Variants in COG5 observed in about 807,000 individuals in gnomAD.
The protein encoded by COG5 is component of oligomeric golgi complex 5, also known as conserved oligomeric Golgi complex subunit 5.
A neutral mutation model predicts 110.4 loss-of-function variants in COG5; 86 were observed. The observed-to-expected ratio is 0.78, with a 90% CI of 0.65 to 0.93. The LOEUF (loss-of-function observed/expected upper bound fraction) is 0.93, where lower values mean the gene tolerates loss of function less well. COG5 is among the 40% of genes least tolerant of loss of function. The probability of loss-of-function intolerance (pLI) is 0.00; values close to 1 mark genes in which losing one functional copy is unlikely to be tolerated. For synonymous variants in COG5, 360 were observed against 334.6 expected (o/e 1.08, Z -0.83); for missense variants, 1,077 against 987.0 (o/e 1.09, Z -1.22).
At chr7:107,357,546 T>A (rs760214497) in intron 10 of COG5, among the ~76,000 whole-genome samples, 11 of 152,192 alleles carry the variant, frequency 7.2e-5, no homozygotes, top group Non-Finnish European at 1.3e-4. Context: ...TCTTTAATGG[T>A]TTTATTTTAA....
chr7:107,379,768 C>T (rs1375001721), intron 7 of COG5, among the ~76,000 whole-genome samples: 2 of 152,084 alleles, frequency 1.3e-5, no homozygotes, highest in Non-Finnish European at 2.9e-5. Context: ...CAGGAGCACC[C>T]AGATTCATAA....
At chr7:107,509,528 G>A (rs889477976) in intron 6 of COG5, among the ~76,000 whole-genome samples, 19 of 152,248 alleles carry the variant, frequency 1.2e-4, no homozygotes, top group African/African-American at 3.4e-4. Flanking sequence ...CCAACATTCA[G>A]ATTCAGGAAA....
chr7:107,320,629 T>C (rs776420327), intron 11 of COG5, among the ~76,000 whole-genome samples: 3 of 152,180 alleles, frequency 2.0e-5, no homozygotes, highest in Non-Finnish European at 2.9e-5. Context: ...CTGGTTGCAA[T>C]TGCAGGTTAG....
intron 12 of COG5, among the ~76,000 whole-genome samples, chr7:107,296,677 C>G (rs1010408806): frequency 2.7e-5 from 4 of 150,386 alleles, no homozygotes; most frequent in African/African-American, 9.8e-5. Flanking sequence ...TCCCCAGTAG[C>G]TGGGATTACA....
intron 7 of COG5, among the ~76,000 whole-genome samples, chr7:107,408,196 T>C (rs1303233684): frequency 3.3e-5 from 5 of 152,246 alleles, no homozygotes; most frequent in Non-Finnish European, 7.3e-5. Flanking sequence ...ACCACATTCA[T>C]TCATTTACAT....
chr7:107,337,823 TAGGTA>T (rs1316788958), intron 10 of COG5, among the ~76,000 whole-genome samples: 1 of 152,204 alleles, frequency 6.6e-6, no homozygotes, highest in Non-Finnish European at 1.5e-5. Flanking sequence ...CACATGGAAA[TAGGTA>T]CCTGAGGAGA....
intron 16 of COG5, among the ~76,000 whole-genome samples, chr7:107,248,774 A>G (rs898017560): frequency 6.6e-6 from 1 of 152,210 alleles, no homozygotes; most frequent in Non-Finnish European, 1.5e-5. Context: ...TGAAAAAGGG[A>G]AGGCATACGC....
At chr7:107,423,654 A>G (rs1793445960) in intron 6 of COG5, among the ~76,000 whole-genome samples, 1 of 151,430 alleles carries the variant, frequency 6.6e-6, no homozygotes, top group Non-Finnish European at 1.5e-5. Context: ...AAAACCAAAG[A>G]CATTACAAAA....
intron 7 of COG5, among the ~76,000 whole-genome samples, chr7:107,396,312 A>C (rs561055646): frequency 2.6e-4 from 40 of 152,286 alleles, no homozygotes; most frequent in African/African-American, 9.6e-4. Context: ...GCAACCCATT[A>C]ATGCTTGATG....
At chr7:107,423,772 C>T (rs1359053368) in intron 6 of COG5, among the ~76,000 whole-genome samples, 1 of 151,896 alleles carries the variant, frequency 6.6e-6, no homozygotes, top group Non-Finnish European at 1.5e-5. Flanking sequence ...TATGCCATGA[C>T]CATGAGGAAT....
chr7:107,522,399 C>T (rs1027474703), intron 6 of COG5, among the ~76,000 whole-genome samples: 4 of 152,072 alleles, frequency 2.6e-5, no homozygotes, highest in Non-Finnish European at 4.4e-5. Flanking sequence ...ACCCAGGAGG[C>T]GGAGGTTGCG....
At chr7:107,502,118 A>AT (rs1262333091) in intron 6 of COG5, among the ~76,000 whole-genome samples, 1 of 152,100 alleles carries the variant, frequency 6.6e-6, no homozygotes, top group Non-Finnish European at 1.5e-5. Flanking sequence ...CCTATCACAC[A>AT]AGTAGTGTAC....
At chr7:107,513,799 C>CA (rs1158057789) in intron 6 of COG5, among the ~76,000 whole-genome samples, 2 of 149,484 alleles carry the variant, frequency 1.3e-5, no homozygotes, top group African/African-American at 2.5e-5. Flanking sequence ...ATTGCAAGGA[C>CA]AAAAAACCAA....
intron 15 of COG5, among the ~76,000 whole-genome samples, chr7:107,257,622 G>A (rs980221931): frequency 1.3e-5 from 2 of 152,008 alleles, no homozygotes; most frequent in Non-Finnish European, 2.9e-5. Flanking sequence ...ATGACCTATA[G>A]AGAATAATTA....
At chr7:107,383,017 T>C (rs959073453) in intron 7 of COG5, among the ~76,000 whole-genome samples, 1 of 152,150 alleles carries the variant, frequency 6.6e-6, no homozygotes, top group Non-Finnish European at 1.5e-5. Flanking sequence ...CTGCAAATCC[T>C]GCCAGGTGAT....
At chr7:107,518,254 T>C (rs1800079354) in intron 6 of COG5, among the ~76,000 whole-genome samples, 1 of 152,166 alleles carries the variant, frequency 6.6e-6, no homozygotes, top group South Asian at 2.1e-4. Context: ...CATCAACTAG[T>C]GTGCAAAATA....
intron 3 of COG5, among the ~76,000 whole-genome samples, chr7:107,553,525 A>C (rs1237270187): frequency 1.3e-5 from 2 of 152,156 alleles, no homozygotes; most frequent in Non-Finnish European, 2.9e-5. Context: ...TTTGATCAAC[A>C]TCGAGAAAAA....
Position 107,511,092 on chromosome 7 carries a change from T to C in COG5, c.538+16145A>G, listed in dbSNP as rs186108957. On this transcript the variant is annotated intron_variant, in intron 6 of 21. Coordinates refer to ENST00000297135, the MANE Select transcript of COG5 (RefSeq NM_006348.5). ...AGACACAAAATACCGTTCAAAAAATTAATGAATCCAGGAGCTGGTTTTTTG... is the reference window on the plus strand; with the variant it reads ...AGACACAAAATACCGTTCAAAAAATCAATGAATCCAGGAGCTGGTTTTTTG... Among the ~76,000 whole-genome samples, 524 of 147,774 alleles carry C rather than the reference T, an allele frequency of 3.5e-3. 11 individuals are homozygous for C. The highest frequency in any genetic ancestry group is 1.6e-3 in the Non-Finnish European group (107 of 66,292).
At position 107,249,690 on chromosome 7, in the gene COG5, TTGTGTGTGTGTGTGTGTG is replaced by T. The variant is rs57572752; in HGVS notation, c.1750-1209_1750-1192del. On this transcript the variant is annotated intron_variant, in intron 16 of 21. Coordinates refer to ENST00000297135, the MANE Select transcript of COG5 (RefSeq NM_006348.5). ...AAAAATAAATATACAACGTACAGGA[TTGTGTGTGTGTGTGTGTG>T]TGTGTGTGTGTGTGTGTGTGTGTGT... 1.6e-3 allele frequency among the ~76,000 whole-genome samples: 212 copies of T among 131,756 alleles called. 1 individual carries two copies. The highest frequency in any genetic ancestry group is 4.4e-3 in the African/African-American group (165 of 37,266). The allele number at this position is 131,756 out of a possible 152,430, so 86.4% of individuals were successfully genotyped here. A position where few individuals can be genotyped will look rare whatever the true frequency, so the allele number is the denominator to read the frequency against.
Sources: allele counts gnomAD v4.1 joint callset (sites outside exome capture counted in the v4.1 genomes callset), GRCh38; gene constraint gnomAD v4.1.1; transcripts MANE v1.5; gene names NCBI Gene and HGNC (gene_info 2026-07-23, HGNC 2026-07-21).